Variants in RPH3A observed in about 807,000 individuals in gnomAD.
The protein encoded by RPH3A is rabphilin-3A.
RPH3A carries 48 observed loss-of-function variants against 102.2 expected under a neutral mutation model. That is an observed-to-expected ratio of 0.47 (90% confidence interval 0.37 to 0.60). The LOEUF (loss-of-function observed/expected upper bound fraction) is 0.60, where lower values mean the gene tolerates loss of function less well. RPH3A is among the 20% of genes least tolerant of loss of function. RPH3A has a pLI of 0.00. For synonymous variants in RPH3A, 310 were observed against 324.3 expected, an observed-to-expected ratio of 0.96 and a Z score of 0.47; for missense variants, 781 against 910.1, an observed-to-expected ratio of 0.86 and a Z score of 1.83.
chr12:112,812,622 G>A, intron 2 of RPH3A, among the ~76,000 whole-genome samples: 1 of 152,118 alleles, frequency 6.6e-6, no homozygotes, highest in East Asian at 1.9e-4. Context: ...TACATGGTTG[G>A]TGGATCCCAG....
intron 1 of RPH3A, among the ~76,000 whole-genome samples, chr12:112,687,277 C>CT (rs2040272543): frequency 6.6e-6 from 1 of 152,210 alleles, no homozygotes; most frequent in South Asian, 2.1e-4. Flanking sequence ...GACCCAGGCT[C>CT]TTTTTATCTC....
chr12:112,808,245 A>C (rs2041506228), intron 2 of RPH3A, among the ~76,000 whole-genome samples: 2 of 152,216 alleles, frequency 1.3e-5, no homozygotes, highest in African/African-American at 4.8e-5. Flanking sequence ...TTAGTGATGG[A>C]GAAGAACGTG....
At chr12:112,795,159 T>C (rs734400) in intron 2 of RPH3A, among the ~76,000 whole-genome samples, 3,304 of 152,326 alleles carry the variant, frequency 0.022, 147 homozygotes, top group Admixed American at 0.11. Flanking sequence ...GCTTTAACTC[T>C]TTCCCTCTCT....
intron 3 of RPH3A, among the ~76,000 whole-genome samples, chr12:112,832,926 A>G (rs1241618099): frequency 6.9e-6 from 1 of 144,350 alleles, no homozygotes; most frequent in African/African-American, 2.6e-5. Flanking sequence ...ACACATTTCA[A>G]TTATTTCACT....
chr12:112,602,578 C>T (rs1592902098), intron 1 of RPH3A, among the ~76,000 whole-genome samples: 2 of 152,080 alleles, frequency 1.3e-5, no homozygotes, highest in Non-Finnish European at 2.9e-5. Context: ...TGTCAAGGCT[C>T]CCCTACCCCA....
At chr12:112,885,964 T>C (rs570861200) in intron 16 of RPH3A, among the ~76,000 whole-genome samples, 1 of 152,262 alleles carries the variant, frequency 6.6e-6, no homozygotes, top group African/African-American at 2.4e-5. Flanking sequence ...TCAAAAACAG[T>C]GATTATTCTC....
At chr12:112,791,611 G>T (rs868222713), upstream of RPH3A, 2 of 151,832 alleles carry the variant, frequency 1.3e-5, no homozygotes. Context: ...GGGATCTCTG[G>T]TGCGCCCAAC....
At chr12:112,736,668 T>C (rs754777488) in intron 1 of RPH3A, among the ~76,000 whole-genome samples, 1 of 152,200 alleles carries the variant, frequency 6.6e-6, no homozygotes, top group African/African-American at 2.4e-5. Flanking sequence ...GCTGTCAGAA[T>C]AGGGCTGACG....
chr12:112,789,041 C>G (rs2041069657), upstream of RPH3A, among the ~76,000 whole-genome samples: 7 of 152,106 alleles, frequency 4.6e-5, no homozygotes, highest in Admixed American at 4.6e-4. Flanking sequence ...ACCTGTAGTC[C>G]CAGCTATTTG....
At chr12:112,786,334 A>G (rs1050800409) in intron 1 of RPH3A, among the ~76,000 whole-genome samples, 6 of 152,184 alleles carry the variant, frequency 3.9e-5, no homozygotes, top group South Asian at 2.1e-4. Flanking sequence ...GTCAGTGCAC[A>G]TAGGCCGATC....
At chr12:112,880,127 A>T (rs555002708) in intron 14 of RPH3A, among the ~76,000 whole-genome samples, 1 of 152,206 alleles carries the variant, frequency 6.6e-6, no homozygotes, top group African/African-American at 2.4e-5. Flanking sequence ...AGACCAACAC[A>T]TTCCTTTGCC....
intron 1 of RPH3A, among the ~76,000 whole-genome samples, chr12:112,612,417 G>T (rs1356136014): frequency 6.6e-6 from 1 of 152,178 alleles, no homozygotes; most frequent in Non-Finnish European, 1.5e-5. Flanking sequence ...CTCTTGGGAA[G>T]TTGTTAGCAC....
At chr12:112,803,901 C>T (rs1211585818) in intron 2 of RPH3A, among the ~76,000 whole-genome samples, 1 of 152,200 alleles carries the variant, frequency 6.6e-6, no homozygotes, top group East Asian at 1.9e-4. Context: ...CCTCAGTTTA[C>T]TCACCTGTAA....
At chr12:112,788,530 A>T (rs1273720657), upstream of RPH3A, among the ~76,000 whole-genome samples, 2 of 152,182 alleles carry the variant, frequency 1.3e-5, no homozygotes, top group Non-Finnish European at 2.9e-5. Flanking sequence ...GCTTCACATC[A>T]TCTGTCTGCT....
intron 1 of RPH3A, among the ~76,000 whole-genome samples, chr12:112,701,375 A>G (rs1253926906): frequency 6.6e-6 from 1 of 152,210 alleles, no homozygotes; most frequent in Non-Finnish European, 1.5e-5. Flanking sequence ...AGAAGATGTA[A>G]TGCTTATTAT....
At chr12:112,627,885 A>C (rs1043202929) in intron 1 of RPH3A, among the ~76,000 whole-genome samples, 1 of 150,780 alleles carries the variant, frequency 6.6e-6, no homozygotes, top group Non-Finnish European at 1.5e-5. Flanking sequence ...CACAGCCTGC[A>C]CAGGAAGCAT....
chr12:112,725,843 T>C (rs1308766960), intron 1 of RPH3A, among the ~76,000 whole-genome samples: 1 of 151,410 alleles, frequency 6.6e-6, no homozygotes, highest in African/African-American at 2.4e-5. Context: ...TTGCCCAGGC[T>C]GGAGTGCGGT....
chr12:112,865,599 C>T (rs2042599123), intron 6 of RPH3A, 56 bp downstream of exon 6: 4 of 1,574,664 alleles, frequency 2.5e-6, no homozygotes, highest in Non-Finnish European at 2.6e-6. Context: ...AGGGGAAAGT[C>T]CTAGGCTCCA....
At chr12:112,589,113 G>T (rs748885227) in intron 1 of RPH3A, among the ~76,000 whole-genome samples, 1 of 151,882 alleles carries the variant, frequency 6.6e-6, no homozygotes, top group Admixed American at 6.6e-5. Flanking sequence ...AGAAGACCAG[G>T]CTGGTAGAGG....
Sources: allele counts gnomAD v4.1 joint callset (sites outside exome capture counted in the v4.1 genomes callset), GRCh38; gene constraint gnomAD v4.1.1; transcripts MANE v1.5; gene names NCBI Gene and HGNC (gene_info 2026-07-23, HGNC 2026-07-21).